Variants in RIPOR1 observed in about 807,000 individuals in gnomAD.
RIPOR1 encodes the protein RHO family interacting cell polarization regulator 1, also known as rho family-interacting cell polarization regulator 1.
A neutral mutation model predicts 116.5 loss-of-function variants in RIPOR1; 58 were observed. The observed-to-expected ratio is 0.50, with a 90% confidence interval of 0.40 to 0.62. The LOEUF (loss-of-function observed/expected upper bound fraction) is 0.62, where lower values mean the gene tolerates loss of function less well. RIPOR1 is among the 20% of genes least tolerant of loss of function. RIPOR1 has a pLI of 0.00. For missense variants in RIPOR1, 1,372 were observed against 1,586.2 expected, an observed-to-expected ratio of 0.86 and a Z score of 2.29; for synonymous variants, 605 against 650.0, an observed-to-expected ratio of 0.93 and a Z score of 1.05.
At chr16:67,539,592 G>A (rs1010856182) in intron 4 of RIPOR1, 136 bp from the exon 5 acceptor site, 2 of 1,038,956 alleles carry the variant, frequency 1.9e-6, no homozygotes. Flanking sequence ...CAGCAGGAAG[G>A]GGCGTCAGTT....
At chr16:67,518,421 A>G (rs2050466342) in exon 1 of RIPOR1, 1 of 152,350 alleles carries the variant, frequency 6.6e-6, no homozygotes, top group Non-Finnish European at 1.5e-5. Context: ...AGATGTGCTG[A>G]CATTGGCTCT....
In RIPOR1 at chr16:67,530,043, C is replaced by T; in HGVS notation, c.-24+1129C>T. ...TGGCATAGCTCCTTCTTCCACCGCC[C>T]TCTCCGGCTTGGGTCCTGTGACTGC... On this transcript the variant is annotated intron_variant, in intron 1 of 21. Transcript: ENST00000042381. The surrounding 1 kb of genome is among the most constrained non-coding windows in gnomAD (Gnocchi z 4.5). 2 of 631,624 alleles carry T rather than the reference C, an allele frequency of 3.2e-6. No individual in the cohort carries two copies. The highest frequency in any genetic ancestry group is 5.7e-6 in the Non-Finnish European group (2 of 349,126). 39.1% of individuals were successfully genotyped at this position (631,624 alleles called of 1,614,324 possible).
rs962367312 is a variant in RIPOR1, at chr16:67,544,597, C to A, written c.2734-98C>A. ...ATGGAGTATCTCCCAACTCTGCAAC[C>A]CCAACCTCCCCCAGTGCATGCTGGG... On this transcript the variant is annotated intron_variant, in intron 15 of 21. Coordinates refer to ENST00000042381, the MANE Select transcript of RIPOR1 (RefSeq NM_024519.4). The surrounding 1 kb of genome is among the most constrained non-coding windows in gnomAD (Gnocchi z 5.1). 1.1e-4 allele frequency: 172 copies of A among 1,573,378 alleles called. No homozygotes were observed. The highest frequency in any genetic ancestry group is 1.4e-4 in the Non-Finnish European group (168 of 1,158,806).
chr16:67,546,061 T>C (rs1954173716), intron 20 of RIPOR1, 29 bp downstream of exon 20: 2 of 1,254,758 alleles, frequency 1.6e-6, no homozygotes, highest in Non-Finnish European at 2.2e-6. Context: ...CCCACCCCTC[T>C]GTCCGCTTCC....
At position 67,544,894 on chromosome 16, in the gene RIPOR1, A is replaced by G. The variant is rs2051116162; in HGVS notation, c.2870-62A>G. Reference sequence around the variant, plus strand: ...GAAGCTCCTACCTCAGCCTACTGCCATCTGCATGCTCTCTACTCACCTGCC... The same window carrying G: ...GAAGCTCCTACCTCAGCCTACTGCCGTCTGCATGCTCTCTACTCACCTGCC... On this transcript the variant is annotated intron_variant, in intron 16 of 21. Coordinates refer to ENST00000042381, the MANE Select transcript of RIPOR1 (RefSeq NM_024519.4). The surrounding 1 kb of genome is among the most constrained non-coding windows in gnomAD (Gnocchi z 5.1). 10 of 1,600,602 alleles carry G rather than the reference A, an allele frequency of 6.2e-6. No homozygotes were observed. Among genetic ancestry groups the G allele is most frequent in the Non-Finnish European group, 7.7e-6 (9 of 1,171,608 alleles).
intron 1 of RIPOR1, among the ~76,000 whole-genome samples, chr16:67,521,520 G>T (rs2050494838): frequency 6.6e-6 from 1 of 152,222 alleles, no homozygotes; most frequent in African/African-American, 2.4e-5. Flanking sequence ...TTCATCCCAT[G>T]AGCTGGGAGA....
At position 67,545,549 on chromosome 16, in the gene RIPOR1, C is replaced by G. The variant is rs766797782; in HGVS notation, c.3190+15C>G. 1.1e-5 allele frequency: 17 copies of G among 1,613,420 alleles called. No individual in the cohort carries two copies. The highest frequency in any genetic ancestry group is 2.2e-5 in the East Asian group (1 of 44,884). Reference sequence around the variant, plus strand: ...CGCTGAGGAGGGTGAGGCGGTGGCCCTGATCACATAGTGGCCTCTTGGGGT... The same window carrying G: ...CGCTGAGGAGGGTGAGGCGGTGGCCGTGATCACATAGTGGCCTCTTGGGGT... On this transcript the variant is annotated intron_variant, in intron 18 of 21. Coordinates refer to ENST00000042381, the MANE Select transcript of RIPOR1 (RefSeq NM_024519.4). The surrounding 1 kb of genome is among the most constrained non-coding windows in gnomAD (Gnocchi z 4.8).
At position 67,543,462 on chromosome 16, in the gene RIPOR1, G is replaced by A. The variant is rs143157314; in HGVS notation, c.2593G>A (p.Gly865Arg). 3.7e-5 allele frequency: 58 copies of A among 1,551,914 alleles called. 1 individual carries two copies. The South Asian group carries it at 5.3e-4, about 14-fold the overall frequency. ...EDEDEDNDVP[G>R]DRPPSSPEAG... ...CGAAGATGAAGACAATGATGTTCCT[G>A]GGGACAGGTGAGGGGGCTAGGCAAG... The change falls in exon 14 of 22, where the codon GGG (glycine) becomes AGG (arginine). Residue 865 changes from glycine to arginine, a missense_variant. Transcript: ENST00000042381. This position sits in a 1 kb window ranked among gnomAD's most constrained non-coding sequence, Gnocchi z 4.7.
Position 67,537,725 on chromosome 16 carries a change from A to C in RIPOR1, c.-23-699A>C. The stretch of plus-strand genomic sequence containing the variant: ...GTCTGCCGAGGAGCTCTCCCCGCCG[A>C]TGCCGGGGTGGAGGCGCACGTCCGT... On this transcript the variant is annotated intron_variant, in intron 1 of 21. Transcript: ENST00000042381. This position sits in a 1 kb window ranked among gnomAD's most constrained non-coding sequence, Gnocchi z 4.6. 1.8e-6 allele frequency: 1 copy of C among 540,546 alleles called. No individual in the cohort carries two copies. Among genetic ancestry groups the C allele is most frequent in the Non-Finnish European group, 2.8e-6 (1 of 351,084 alleles). The allele number at this position is 540,546 out of a possible 1,614,324, so 33.5% of individuals were successfully genotyped here. A position where few individuals can be genotyped will look rare whatever the true frequency, so the allele number is the denominator to read the frequency against.
In RIPOR1 at chr16:67,538,672, G is replaced by T; in HGVS notation, c.105G>T (p.Arg35Ser). Reference protein sequence around the residue: ...GVLGSHERGPRSFPVFSPPGP... With the variant: ...GVLGSHERGPSSFPVFSPPGP... ...TTTCTGAGGACAGCCTCTCCTTCAG[G>T]AGTTTCCCGGTCTTCAGCCCGCCGG... The change falls in exon 3 of 22, where the codon AGG becomes AGT. Residue 35 changes from arginine to serine, a missense_variant and splice_region_variant. Physicochemically the swap from Arg to Ser is moderately radical, Grantham distance 110 (BLOSUM62 -1). Transcript: ENST00000042381. 1 of 1,612,726 alleles carries T rather than the reference G, an allele frequency of 6.2e-7. No individual in the cohort carries two copies. The highest frequency in any genetic ancestry group is 8.5e-7 in the Non-Finnish European group (1 of 1,179,670).
Position 67,531,366 on chromosome 16 carries a change from G to A in RIPOR1, c.-24+2452G>A, listed in dbSNP as rs769823821. Among the ~76,000 whole-genome samples the A allele has an allele frequency of 1.1e-4, 16 of 151,418 alleles. No individual in the cohort carries two copies. The highest frequency in any genetic ancestry group is 1.8e-4 in the Non-Finnish European group (12 of 67,882). ...GGTGCTACAGGACCCCCAGAGCGCTGTGGTGAGCCAAGCAGATATGCCCCA... is the reference window on the plus strand; with the variant it reads ...GGTGCTACAGGACCCCCAGAGCGCTATGGTGAGCCAAGCAGATATGCCCCA... On this transcript the variant is annotated intron_variant, in intron 1 of 21. Coordinates refer to ENST00000042381, the MANE Select transcript of RIPOR1 (RefSeq NM_024519.4). The surrounding 1 kb of genome is among the most constrained non-coding windows in gnomAD (Gnocchi z 4.2).
chr16:67,535,261 A>AG (rs2050764276), intron 1 of RIPOR1, among the ~76,000 whole-genome samples: 2 of 152,222 alleles, frequency 1.3e-5, no homozygotes, highest in Non-Finnish European at 2.9e-5. Flanking sequence ...CCAGGTGGGC[A>AG]GTGAGGGCCT....
rs2050600107 is a variant in RIPOR1 at position 67,529,624 on chromosome 16, T to C, written c.-24+710T>C. 1.4e-6 allele frequency: 1 copy of C among 739,064 alleles called. No individual in the cohort carries two copies. Among genetic ancestry groups the C allele is most frequent in the Admixed American group, 2.7e-5 (1 of 36,702 alleles). The allele number at this position is 739,064 out of a possible 1,614,324, so 45.8% of individuals were successfully genotyped here. A position where few individuals can be genotyped will look rare whatever the true frequency, so the allele number is the denominator to read the frequency against. On this transcript the variant is annotated intron_variant, in intron 1 of 21. Transcript: ENST00000042381. This position sits in a 1 kb window ranked among gnomAD's most constrained non-coding sequence, Gnocchi z 4.1. ...TTCAGTCCAGATTCAGCACCCTTTGTCCTCCTCTCCAGGGTGAGCCCTGAG... is the reference window on the plus strand; with the variant it reads ...TTCAGTCCAGATTCAGCACCCTTTGCCCTCCTCTCCAGGGTGAGCCCTGAG...
rs189363699 is a variant in RIPOR1 at position 67,545,863 on chromosome 16, G to A, written c.3387+3G>A. ...TGGGCCCTACCTTCCGGGAGAGGGT[G>A]AGTTGGACAGGGCTCCCTTGAGGGC... is the stretch of plus-strand genomic sequence containing the variant. On this transcript the variant is annotated splice_donor_region_variant and intron_variant, in intron 19 of 21. Coordinates refer to ENST00000042381, the MANE Select transcript of RIPOR1 (RefSeq NM_024519.4). This position sits in a 1 kb window ranked among gnomAD's most constrained non-coding sequence, Gnocchi z 4.8. 1,757 of 1,608,228 alleles carry A rather than the reference G, an allele frequency of 1.1e-3. 2 individuals carry two copies. Among genetic ancestry groups the A allele is most frequent in the Middle Eastern group, 6.0e-3 (36 of 6,024 alleles).
At chr16:67,518,932 C>T (rs1015249897) in intron 1 of RIPOR1, among the ~76,000 whole-genome samples, 3 of 152,194 alleles carry the variant, frequency 2.0e-5, no homozygotes, top group East Asian at 1.9e-4. Flanking sequence ...AAGTGGGTCT[C>T]GGCTGAGACC....
chr16:67,538,601 G>C, intron 2 of RIPOR1, 51 bp downstream of exon 2: 2 of 1,607,084 alleles, frequency 1.2e-6, no homozygotes. Flanking sequence ...GATGGGGCTG[G>C]GTCTGGGGGT....
chr16:67,538,996 CT>C lies in RIPOR1; in HGVS notation c.266del (p.Leu89TrpfsTer15). 6.2e-7 allele frequency: 1 copy of C among 1,613,866 alleles called. No individual in the cohort carries two copies. The highest frequency in any genetic ancestry group is 8.5e-7 in the Non-Finnish European group (1 of 1,179,948). On this transcript the variant is annotated frameshift_variant, in exon 4 of 22. Coordinates refer to ENST00000042381, the MANE Select transcript of RIPOR1 (RefSeq NM_024519.4). LOFTEE classifies it high-confidence loss of function. Reference sequence around the variant, plus strand: ...TGGTCGCCCCTTTCCTCAGGGCCTACTTGGAAGTGCACCAGCAGGAGCAAGA... The same window carrying C: ...TGGTCGCCCCTTTCCTCAGGGCCTACTGGAAGTGCACCAGCAGGAGCAAGA... ...TALKRGLTAY[L>X]EVHQQEQEKL...
chr16:67,538,386 A>G, intron 1 of RIPOR1, 38 bp from the exon 2 acceptor site: 1 of 1,527,206 alleles, frequency 6.5e-7, no homozygotes, highest in African/African-American at 1.4e-5. Flanking sequence ...GGCTTCGGGG[A>G]TCCGACTGGT....
intron 1 of RIPOR1, among the ~76,000 whole-genome samples, chr16:67,520,352 A>G (rs1480434511): frequency 6.6e-6 from 1 of 150,426 alleles, no homozygotes; most frequent in Non-Finnish European, 1.5e-5. Flanking sequence ...CTGCACTCCA[A>G]CCTGGTGACA....
Sources: gnomAD v4.1 joint callset for allele counts (sites outside exome capture counted in the v4.1 genomes callset) on GRCh38, gnomAD v4.1.1 for gene constraint, Gnocchi (gnomAD v3.1) non-coding constraint, MANE v1.5 for transcripts, NCBI Gene and HGNC (gene_info 2026-07-23, HGNC 2026-07-21) for gene names.